Variants in TANC2 observed in about 807,000 individuals in gnomAD.
The protein encoded by TANC2 is tetratricopeptide repeat, ankyrin repeat and coiled-coil containing 2.
TANC2 carries 26 observed loss-of-function variants against 210.5 expected under a neutral mutation model. The ratio of observed to expected loss-of-function variants is 0.12; its 90% CI spans 0.09 to 0.17. The LOEUF (loss-of-function observed/expected upper bound fraction) is 0.17. Among genes scored for constraint, TANC2 ranks in the 10% least tolerant of loss-of-function variants. The pLI is 1.00. For synonymous variants in TANC2, 931 were observed against 967.1 expected (o/e 0.96, Z 0.69); for missense variants, 2,129 against 2,608.9 (o/e 0.82, Z 4.01).
intron 4 of TANC2, among the ~76,000 whole-genome samples, chr17:63,100,064 C>T (rs112262731): frequency 2.1e-3 from 321 of 152,238 alleles, no homozygotes; most frequent in African/African-American, 7.5e-3. Flanking sequence ...TTTCTTCTAG[C>T]ATTATCAATA....
At chr17:63,001,760 C>A (rs1314526149) in intron 1 of TANC2, among the ~76,000 whole-genome samples, 1 of 152,010 alleles carries the variant, frequency 6.6e-6, no homozygotes, top group African/African-American at 2.4e-5. Flanking sequence ...ATTGGCCAGG[C>A]TGGTCTTGAA....
intron 15 of TANC2, chr17:63,387,905 A>C (rs80230372): frequency 1.3e-5 from 2 of 152,240 alleles, no homozygotes; most frequent in Non-Finnish European, 2.9e-5. Context: ...ATTTTGGGAT[A>C]TATTAGTTAA....
Position 63,353,724 on chromosome 17 carries a change from TAA to T in TANC2, c.1975-1058_1975-1057del, listed in dbSNP as rs1373589392. Among the ~76,000 whole-genome samples, 12 of 152,038 alleles carry T rather than the reference TAA, an allele frequency of 7.9e-5. No homozygotes were observed. In the East Asian group the frequency reaches 2.1e-3, roughly 27 times the overall value. ...GGAAGGTTAAAAGTGGCCAGTGTGC[TAA>T]GAGAGAAAAGAGGGGAACGTTCTCT... On this transcript the variant is annotated intron_variant, in intron 13 of 27. Transcript: ENST00000689528.
intron 2 of TANC2, among the ~76,000 whole-genome samples, chr17:63,056,522 A>T (rs1360665149): frequency 6.6e-6 from 1 of 152,032 alleles, no homozygotes; most frequent in African/African-American, 2.4e-5. Flanking sequence ...TACCAAAAAA[A>T]TTTTTAATTA....
chr17:63,163,631 AT>A (rs1314662511), intron 5 of TANC2, among the ~76,000 whole-genome samples: 5 of 151,836 alleles, frequency 3.3e-5, no homozygotes, highest in Admixed American at 6.6e-5. Flanking sequence ...GAAAGGAAAT[AT>A]TTAATATTTG....
intron 2 of TANC2, among the ~76,000 whole-genome samples, chr17:63,016,154 G>T (rs1017020239): frequency 6.6e-6 from 1 of 152,124 alleles, no homozygotes; most frequent in Non-Finnish European, 1.5e-5. Flanking sequence ...ACAAGAAGTA[G>T]AATTTATTCC....
chr17:63,036,222 A>G (rs186396238), intron 2 of TANC2, among the ~76,000 whole-genome samples: 2 of 143,634 alleles, frequency 1.4e-5, no homozygotes, highest in African/African-American at 5.1e-5. Flanking sequence ...ATCACAAGTC[A>G]TAAAGATTTC....
At chr17:63,379,762 G>A (rs1240941420) in exon 15 of TANC2, 1 of 1,612,984 alleles carries the variant, frequency 6.2e-7, no homozygotes, top group Admixed American at 1.7e-5. Context: ...CGCCAAGAGG[G>A]AAAACTAAAC....
intron 2 of TANC2, among the ~76,000 whole-genome samples, chr17:63,064,731 A>G (rs1044880777): frequency 2.0e-5 from 3 of 152,130 alleles, no homozygotes; most frequent in Admixed American, 1.3e-4. Context: ...TAATCTTTAT[A>G]TACTGTTTAT....
chr17:63,213,687 T>A (rs983673670), intron 7 of TANC2, among the ~76,000 whole-genome samples: 1 of 152,212 alleles, frequency 6.6e-6, no homozygotes, highest in Admixed American at 6.5e-5. Flanking sequence ...GGTGCAACAT[T>A]GTATTTGGTG....
rs533785938 is a variant in TANC2, at chr17:63,045,425, A to T, written c.68-28518A>T. Reference sequence around the variant, plus strand: ...AAATAGAAGTTTAAAATTTCAATTTATTCAAATCTATCATTCTTTTTTATA... The same window carrying T: ...AAATAGAAGTTTAAAATTTCAATTTTTTCAAATCTATCATTCTTTTTTATA... On this transcript the variant is annotated intron_variant, in intron 2 of 27. Coordinates refer to ENST00000689528, the Ensembl canonical transcript of TANC2. Among the ~76,000 whole-genome samples, 9 of 152,348 alleles carry T rather than the reference A, an allele frequency of 5.9e-5. No individual in the cohort carries two copies. In the East Asian group the frequency reaches 1.7e-3, roughly 29 times the overall value.
rs57550590 is a variant in TANC2 at position 63,046,325 on chromosome 17, C to CTTTTTTTTTTTTTTTT, written c.68-27609_68-27594dup. On this transcript the variant is annotated intron_variant, in intron 2 of 27. Coordinates refer to ENST00000689528, the Ensembl canonical transcript of TANC2. ...CAGGTGCGTGCCACCACACCCAGCT[C>CTTTTTTTTTTTTTTTT]TTTTTTTTTTTTTTTTTTTTTTTTG... 6.6e-4 allele frequency among the ~76,000 whole-genome samples: 29 copies of CTTTTTTTTTTTTTTTT among 44,142 alleles called. 6 individuals carry two copies. The highest frequency in any genetic ancestry group is 2.3e-3 in the African/African-American group (20 of 8,536). 29.0% of individuals were successfully genotyped at this position (44,142 alleles called of 152,430 possible). A position where few individuals can be genotyped will look rare whatever the true frequency, so the allele number is the denominator to read the frequency against.
chr17:63,249,735 G>C (rs1369451635), intron 8 of TANC2, among the ~76,000 whole-genome samples: 1 of 152,174 alleles, frequency 6.6e-6, no homozygotes, highest in Non-Finnish European at 1.5e-5. Context: ...CTTTTCAGCA[G>C]TCAGAACGTT....
At chr17:63,266,499 G>A (rs899932346) in intron 8 of TANC2, among the ~76,000 whole-genome samples, 2 of 152,028 alleles carry the variant, frequency 1.3e-5, no homozygotes, top group Non-Finnish European at 2.9e-5. Flanking sequence ...CATAATTCTT[G>A]TTTCCTTATG....
chr17:63,171,081 CTTTTTTTTTTTTT>C (rs578140711), intron 5 of TANC2, among the ~76,000 whole-genome samples: 3 of 98,080 alleles, frequency 3.1e-5, no homozygotes, highest in African/African-American at 9.2e-5. Context: ...GTATTTCTTT[CTTTTTTTTTTTTT>C]TTTTTTTTTG....
intron 5 of TANC2, chr17:63,153,009 T>G (rs773951329): frequency 1.3e-5 from 2 of 152,192 alleles, no homozygotes; most frequent in African/African-American, 4.8e-5. Context: ...AAGTCTTTCC[T>G]TTTCTTATCT....
At chr17:63,104,369 C>T (rs2037743050) in intron 4 of TANC2, among the ~76,000 whole-genome samples, 1 of 152,044 alleles carries the variant, frequency 6.6e-6, no homozygotes, top group Non-Finnish European at 1.5e-5. Flanking sequence ...TATTATTTAC[C>T]CATTATGTAC....
chr17:63,313,239 C>G (rs1426332435), intron 9 of TANC2: 1 of 151,898 alleles, frequency 6.6e-6, no homozygotes, highest in South Asian at 2.1e-4. Flanking sequence ...TAATTCTTTC[C>G]TTAAGCATTT....
chr17:63,204,873 T>C (rs1469028496), intron 7 of TANC2, among the ~76,000 whole-genome samples: 1 of 151,956 alleles, frequency 6.6e-6, no homozygotes, highest in African/African-American at 2.4e-5. Context: ...TCAGTTGAGG[T>C]CAGGAGTTTG....
Sources: allele counts gnomAD v4.1 joint callset (sites outside exome capture counted in the v4.1 genomes callset), GRCh38; gene constraint gnomAD v4.1.1; transcripts MANE v1.5; gene names NCBI Gene and HGNC (gene_info 2026-07-23, HGNC 2026-07-21).